Variants in CYP11B2 observed in about 807,000 individuals in gnomAD.
CYP11B2 encodes the protein cytochrome P450 family 11 subfamily B member 2, also known as cytochrome P450 11B2, mitochondrial.
CYP11B2 carries 38 observed loss-of-function variants against 49.3 expected under a neutral mutation model. That is an observed-to-expected ratio of 0.77 (90% confidence interval 0.59 to 1.01). The LOEUF (loss-of-function observed/expected upper bound fraction) is 1.01. Among genes scored for constraint, CYP11B2 ranks in the 50% least tolerant of loss-of-function variants. CYP11B2 has a pLI of 0.00. For synonymous variants in CYP11B2, 290 were observed against 269.3 expected, an observed-to-expected ratio of 1.08 and a Z score of -0.75; for missense variants, 669 against 655.5, an observed-to-expected ratio of 1.02 and a Z score of -0.23.
In CYP11B2 at chr8:142,910,743, G is replaced by T. The variant is rs927108183; in HGVS notation, c.*1237C>A. On this transcript the variant is annotated 3_prime_UTR_variant, in exon 9 of 9. Coordinates refer to ENST00000323110, the MANE Select transcript of CYP11B2 (RefSeq NM_000498.3). The surrounding 1 kb of genome is among the most constrained non-coding windows in gnomAD (Gnocchi z 4.6). ...TGGGAAAGCAACCTGCGGTCACAGG[G>T]TGACTGGCCTGAGTCCCTGAGTCCT... The T allele has an allele frequency of 2.0e-5, 3 of 152,182 alleles. No homozygotes were observed. Among genetic ancestry groups the T allele is most frequent in the African/African-American group, 7.2e-5 (3 of 41,404 alleles). The allele number at this position is 152,182 out of a possible 1,614,324, so 9.4% of individuals were successfully genotyped here.
chr8:142,913,238 C>T, intron 6 of CYP11B2, 47 bp downstream of exon 6: 4 of 1,603,352 alleles, frequency 2.5e-6, no homozygotes, highest in Non-Finnish European at 3.4e-6. Context: ...GGGGGCTGCT[C>T]TCCAGCAGGG....
At position 142,917,654 on chromosome 8, in the gene CYP11B2, G is replaced by C. The variant is rs61758594; in HGVS notation, c.187C>G (p.His63Asp). Residue 63 changes from histidine (H) to aspartate (D), a missense_variant, in exon 1 of 9, where the codon CAC becomes GAC. Physicochemically the swap from His to Asp is moderately conservative, Grantham distance 81. Coordinates refer to ENST00000323110, the MANE Select transcript of CYP11B2 (RefSeq NM_000498.3). ...LQIWREQGYEHLHLEMHQTFQ... is the reference protein window; with the variant it reads ...LQIWREQGYEDLHLEMHQTFQ... The stretch of plus-strand genomic sequence containing the variant: ...GTCTGGTGCATCTCCAGGTGCAGGT[G>C]CTCATAACCCTGCTCCCTCCAGATC... 6 of 1,614,120 alleles carry C rather than the reference G, an allele frequency of 3.7e-6. No individual in the cohort carries two copies. The highest frequency in any genetic ancestry group is 2.2e-5 in the East Asian group (1 of 44,894).
In CYP11B2 at chr8:142,914,829, A is replaced by G. The variant is rs377428697; in HGVS notation, c.675T>C (p.His225=). 9.9e-6 allele frequency: 16 copies of G among 1,613,650 alleles called. 1 individual carries two copies. The highest frequency in any genetic ancestry group is 1.3e-5 in the African/African-American group (1 of 74,656). Residue 225 remains histidine, a synonymous_variant, in exon 4 of 9, where the codon CAT becomes CAC. Coordinates refer to ENST00000323110, the MANE Select transcript of CYP11B2 (RefSeq NM_000498.3). Reference sequence around the variant, plus strand: ...TGGATTTGAACATGACCTCCAGGGCATGGAGGAAGTTCAGGCTGGCAGAAC... The same window carrying G: ...TGGATTTGAACATGACCTCCAGGGCGTGGAGGAAGTTCAGGCTGGCAGAAC... The part of the protein sequence containing the change: ...SPSSASLNFL[H]ALEVMFKSTV...
chr8:142,914,994 T>A, intron 3 of CYP11B2, 52 bp downstream of exon 3: 2 of 1,612,362 alleles, frequency 1.2e-6, no homozygotes, highest in Non-Finnish European at 1.7e-6. Flanking sequence ...TCCATCCCCA[T>A]CCCTGGCCAC....
chr8:142,912,884 G>C lies in CYP11B2; in HGVS notation c.1123C>G (p.Leu375Val). 6.2e-7 allele frequency: 1 copy of C among 1,612,780 alleles called. No individual in the cohort carries two copies. Among genetic ancestry groups the C allele is most frequent in the Non-Finnish European group, 8.5e-7 (1 of 1,179,422 alleles). The part of the protein sequence containing the change: ...LRAALKETLR[L>V]YPVGLFLERV... ...TCCAAAAACAGACCCACAGGGTAGA[G>C]CCTGGAGGTGGGGGCATCCATAGAA... is the stretch of plus-strand genomic sequence containing the variant. Residue 375 changes from leucine (L) to valine (V), a missense_variant and splice_region_variant, in exon 7 of 9, where the codon CTC (leucine) becomes GTC (valine). Physicochemically the swap from Leu to Val is conservative, Grantham distance 32. Transcript: ENST00000323110.
At position 142,913,914 on chromosome 8, in the gene CYP11B2, G is replaced by A. The variant is rs1182906218; in HGVS notation, c.954+350C>T. 7.9e-6 allele frequency: 4 copies of A among 507,816 alleles called. No homozygotes were observed. The Admixed American group carries it at 9.1e-5, about 12-fold the overall frequency. 31.5% of individuals were successfully genotyped at this position (507,816 alleles called of 1,614,324 possible). A position where few individuals can be genotyped will look rare whatever the true frequency, so the allele number is the denominator to read the frequency against. ...CCGGGCACACTGGGAAGGGTGCCCA[G>A]TGGAGTCCTCCAGCTGCCTCTCAAC... On this transcript the variant is annotated intron_variant, in intron 5 of 8. Coordinates refer to ENST00000323110, the MANE Select transcript of CYP11B2 (RefSeq NM_000498.3).
chr8:142,912,789 G>T lies in CYP11B2; in HGVS notation c.1200+18C>A, dbSNP rs768136762. ...GGGGAGGGAGGTTCTCAGCTCGAGG[G>T]GTGTGGGGCTCACTCACCCCAGCTG... On this transcript the variant is annotated intron_variant, in intron 7 of 8. Coordinates refer to ENST00000323110, the MANE Select transcript of CYP11B2 (RefSeq NM_000498.3). The T allele has an allele frequency of 5.0e-6, 8 of 1,613,446 alleles. No homozygotes were observed. The Admixed American group carries it at 1.2e-4, about 24-fold the overall frequency.
intron 8 of CYP11B2, among the ~76,000 whole-genome samples, chr8:142,912,328 C>G (rs1261229538): frequency 2.6e-5 from 4 of 152,042 alleles, no homozygotes; most frequent in Non-Finnish European, 4.4e-5. Context: ...CCCCTAGTCC[C>G]CATTTCAATG....
rs778618899 is a variant in CYP11B2, at chr8:142,917,194, C to A, written c.260G>T (p.Arg87Leu). The change falls in exon 2 of 9, where the codon CGC becomes CTC. Residue 87 changes from arginine to leucine, a missense_variant. Arg to Leu is a moderately radical substitution (Grantham distance 102). Coordinates refer to ENST00000323110, the MANE Select transcript of CYP11B2 (RefSeq NM_000498.3). Reference sequence around the variant, plus strand: ...CTCCGGCAGCATCACACACACCATGCGTGGTCCTCCCAAGTTGTACCTGTG... The same window carrying A: ...CTCCGGCAGCATCACACACACCATGAGTGGTCCTCCCAAGTTGTACCTGTG... The part of the protein sequence containing the change: ...PIFRYNLGGP[R>L]MVCVMLPEDV... 1.2e-6 allele frequency: 2 copies of A among 1,614,128 alleles called. No homozygotes were observed. The highest frequency in any genetic ancestry group is 1.7e-6 in the Non-Finnish European group (2 of 1,180,018).
chr8:142,911,781 C>T lies in CYP11B2; in HGVS notation c.*199G>A. 1 of 749,376 alleles carries T rather than the reference C, an allele frequency of 1.3e-6. No individual in the cohort carries two copies. Among genetic ancestry groups the T allele is most frequent in the Non-Finnish European group, 2.1e-6 (1 of 473,180 alleles). The allele number at this position is 749,376 out of a possible 1,614,324, so 46.4% of individuals were successfully genotyped here. ...CAGGCCCTGCCAGCAAGATCGTCTC[C>T]AGCTGTGCCCTGGCCTTGCTATTTG... On this transcript the variant is annotated 3_prime_UTR_variant, in exon 9 of 9. Transcript: ENST00000323110.
At chr8:142,913,234 T>G (rs1409557202) in intron 6 of CYP11B2, 51 bp downstream of exon 6, 1 of 1,596,986 alleles carries the variant, frequency 6.3e-7, no homozygotes, top group East Asian at 2.2e-5. Flanking sequence ...CAGTGGGGGC[T>G]GCTCTCCAGC....
At chr8:142,915,641 T>C (rs570018885) in intron 2 of CYP11B2, among the ~76,000 whole-genome samples, 2 of 130,926 alleles carry the variant, frequency 1.5e-5, no homozygotes, top group Admixed American at 1.5e-4. Flanking sequence ...CACAGTGTCC[T>C]GAGGGGAGAG....
At position 142,917,659 on chromosome 8, in the gene CYP11B2, T is replaced by A. The variant is rs147109119; in HGVS notation, c.182A>T (p.Tyr61Phe). The A allele has an allele frequency of 2.4e-4, 389 of 1,614,218 alleles. No individual in the cohort carries two copies. In the African/African-American group the frequency reaches 4.8e-3, roughly 20 times the overall value. ...RLLQIWREQGYEHLHLEMHQT... is the reference protein window; with the variant it reads ...RLLQIWREQGFEHLHLEMHQT... ...GTGCATCTCCAGGTGCAGGTGCTCATAACCCTGCTCCCTCCAGATCTGCAG... is the reference window on the plus strand; with the variant it reads ...GTGCATCTCCAGGTGCAGGTGCTCAAAACCCTGCTCCCTCCAGATCTGCAG... The change falls in exon 1 of 9, where the codon TAT becomes TTT. Residue 61 changes from tyrosine to phenylalanine, a missense_variant. Transcript: ENST00000323110.
intron 6 of CYP11B2, among the ~76,000 whole-genome samples, 196 bp from the exon 7 acceptor site, chr8:142,913,081 C>A (rs1373859957): frequency 6.6e-6 from 1 of 151,140 alleles, no homozygotes; most frequent in Non-Finnish European, 1.5e-5. Flanking sequence ...GAAGGACATG[C>A]CCCACGTTAA....
chr8:142,912,648 C>G lies in CYP11B2; in HGVS notation c.1280G>C (p.Arg427Pro). The G allele has an allele frequency of 6.2e-7, 1 of 1,614,168 alleles. No individual in the cohort carries two copies. Among genetic ancestry groups the G allele is most frequent in the East Asian group, 2.2e-5 (1 of 44,886 alleles). ...FPRPERYNPQ[R>P]WLDIRGSGRN... Reference sequence around the variant, plus strand: ...GCCGGAGCCCCTGATGTCTAGCCAGCGCTGGGGATTATACCGCTCAGGCCT... The same window carrying G: ...GCCGGAGCCCCTGATGTCTAGCCAGGGCTGGGGATTATACCGCTCAGGCCT... Residue 427 changes from arginine to proline, a missense_variant, in exon 8 of 9, where the codon CGC becomes CCC. Physicochemically the swap from Arg to Pro is moderately radical, Grantham distance 103. Transcript: ENST00000323110.
chr8:142,912,728 C>G lies in CYP11B2; in HGVS notation c.1201-1G>C. ...AGTAGAGGAAAACCTGTACCAATGTCTGCGGACGGTGCAGAGCAGGGATCA... is the reference window on the plus strand; with the variant it reads ...AGTAGAGGAAAACCTGTACCAATGTGTGCGGACGGTGCAGAGCAGGGATCA... On this transcript the variant is annotated splice_acceptor_variant, in intron 7 of 8. Coordinates refer to ENST00000323110, the MANE Select transcript of CYP11B2 (RefSeq NM_000498.3). LOFTEE classifies it high-confidence loss of function. 24 of 1,613,986 alleles carry G rather than the reference C, an allele frequency of 1.5e-5. 1 individual carries two copies. The highest frequency in any genetic ancestry group is 2.0e-5 in the Non-Finnish European group (24 of 1,179,892).
rs1411802708 is a variant in CYP11B2 at position 142,912,602 on chromosome 8, G to C, written c.1326C>G (p.Pro442=). The stretch of plus-strand genomic sequence containing the variant: ...GGCACTGGCGCATGCCAAAGCCAAA[G>C]GGCACGTGGTGGAAGTTCCTGCCGG... ...RGSGRNFHHV[P]FGFGMRQCLG... is the part of the protein sequence containing the mutation. Residue 442 remains proline, a synonymous_variant, in exon 8 of 9, where the codon CCC becomes CCG. Transcript: ENST00000323110. The C allele has an allele frequency of 1.2e-6, 2 of 1,614,214 alleles. No homozygotes were observed. Among genetic ancestry groups the C allele is most frequent in the Admixed American group, 3.3e-5 (2 of 60,034 alleles).
At chr8:142,914,666 G>T (rs755212374) in intron 4 of CYP11B2, 39 bp downstream of exon 4, 5 of 1,557,604 alleles carry the variant, frequency 3.2e-6, no homozygotes, top group Admixed American at 3.8e-5. Context: ...CCCCCATGGT[G>T]TCCCTTCCCC....
chr8:142,917,286 C>A, intron 1 of CYP11B2, 72 bp from the exon 2 acceptor site: 1 of 1,542,610 alleles, frequency 6.5e-7, no homozygotes, highest in Non-Finnish European at 8.9e-7. Context: ...AGTCCCAATC[C>A]AAAGTGTCTC....
Sources: gnomAD v4.1 joint callset for allele counts (sites outside exome capture counted in the v4.1 genomes callset) on GRCh38, gnomAD v4.1.1 for gene constraint, Gnocchi (gnomAD v3.1) non-coding constraint, MANE v1.5 for transcripts, NCBI Gene and HGNC (gene_info 2026-07-23, HGNC 2026-07-21) for gene names.